Variants in PLEKHA8 observed in about 807,000 individuals in gnomAD.
PLEKHA8 encodes pleckstrin homology domain-containing family A member 8.
PLEKHA8 carries 36 observed loss-of-function variants against 68.2 expected under a neutral mutation model. The observed-to-expected ratio is 0.53, with a 90% CI of 0.40 to 0.70. The LOEUF is 0.70. Ranked by LOEUF, PLEKHA8 falls within the 30% of genes least tolerant of loss-of-function variation. PLEKHA8 has a pLI of 0.00. For missense variants in PLEKHA8, 505 were observed against 615.4 expected, an observed-to-expected ratio of 0.82 and a Z score of 1.90; for synonymous variants, 211 against 216.1, an observed-to-expected ratio of 0.98 and a Z score of 0.20.
chr7:30,072,101 C>T (rs1478257887), intron 12 of PLEKHA8: 1 of 152,142 alleles, frequency 6.6e-6, no homozygotes, highest in African/African-American at 2.4e-5. Flanking sequence ...TTTGATCATG[C>T]CCTAGTTTAC....
In PLEKHA8 at chr7:30,047,126, A is replaced by G. The variant is rs6980340; in HGVS notation, c.314-706A>G. 8.9e-3 allele frequency among the ~76,000 whole-genome samples: 1,352 copies of G among 152,122 alleles called. 21 individuals are homozygous for G. Among genetic ancestry groups the G allele is most frequent in the African/African-American group, 0.031 (1,302 of 41,474 alleles). ...CAGTTGTGCTTAACTCTTCACGTAG[A>G]TTCATAAATTGGCCTCTTCTTTTAA... On this transcript the variant is annotated intron_variant, in intron 3 of 13. Coordinates refer to ENST00000449726, the MANE Select transcript of PLEKHA8 (RefSeq NM_001197026.2).
At chr7:30,118,716 T>C (rs1796645058) in intron 13 of PLEKHA8, among the ~76,000 whole-genome samples, 1 of 152,182 alleles carries the variant, frequency 6.6e-6, no homozygotes, top group African/African-American at 2.4e-5. Context: ...CAGCTGGGAC[T>C]ACAGGCGCCC....
At chr7:30,059,593 T>C (rs558411803) in intron 9 of PLEKHA8, among the ~76,000 whole-genome samples, 8 of 152,184 alleles carry the variant, frequency 5.3e-5, no homozygotes, top group African/African-American at 1.9e-4. Context: ...TTTTTTAGTA[T>C]TCTGTTTTAT....
At chr7:30,102,314 G>A (rs1795882291) in intron 13 of PLEKHA8, among the ~76,000 whole-genome samples, 4 of 152,206 alleles carry the variant, frequency 2.6e-5, no homozygotes, top group Admixed American at 6.5e-5. Context: ...GAAATTGAAT[G>A]TCTTGTCCAT....
At position 30,074,096 on chromosome 7, in the gene PLEKHA8, G is replaced by A. The variant is rs1278453333; in HGVS notation, c.1326G>A (p.Arg442=). The stretch of plus-strand genomic sequence containing the variant: ...ATAATGCATATGGTAAAACATTGCG[G>A]CAACACCATGGCTGGGTAGTTCGAG... ...ALNNAYGKTL[R]QHHGWVVRGV... Residue 442 remains arginine (R), a synonymous_variant, in exon 13 of 14, where the codon CGG becomes CGA. Transcript: ENST00000449726. 5 of 1,612,882 alleles carry A rather than the reference G, an allele frequency of 3.1e-6. No individual in the cohort carries two copies. The African/African-American group carries it at 6.7e-5, about 22-fold the overall frequency.
chr7:30,121,416 A>G (rs1796695099), intron 13 of PLEKHA8, among the ~76,000 whole-genome samples: 1 of 152,084 alleles, frequency 6.6e-6, no homozygotes, highest in African/African-American at 2.4e-5. Flanking sequence ...ATCACTTGAG[A>G]TTAGGAGTTC....
intron 13 of PLEKHA8, among the ~76,000 whole-genome samples, chr7:30,118,582 CTT>C (rs745309743): frequency 1.4e-5 from 2 of 144,556 alleles, no homozygotes; most frequent in Admixed American, 6.9e-5. Context: ...GCCCATCTTT[CTT>C]TTTTTTTTTT....
chr7:30,108,574 G>T (rs1022482233), intron 13 of PLEKHA8, among the ~76,000 whole-genome samples: 2 of 152,114 alleles, frequency 1.3e-5, no homozygotes, highest in Admixed American at 1.3e-4. Flanking sequence ...CCCAAAAAAT[G>T]TATTTCTTCT....
chr7:30,055,634 A>C lies in PLEKHA8; in HGVS notation c.1039+292A>C, dbSNP rs185356674. ...AAAAGTATTTGAGGAATAGACCTTC[A>C]AATATATTGGCACTGTGAAAAAATG... is the stretch of plus-strand genomic sequence containing the variant. On this transcript the variant is annotated intron_variant, in intron 9 of 13. Transcript: ENST00000449726. Among the ~76,000 whole-genome samples, 968 of 152,280 alleles carry C rather than the reference A, an allele frequency of 6.4e-3. 17 individuals carry two copies. Among genetic ancestry groups the C allele is most frequent in the African/African-American group, 0.022 (928 of 41,546 alleles).
intron 10 of PLEKHA8, 98 bp downstream of exon 10, chr7:30,061,040 G>A: frequency 2.7e-6 from 3 of 1,130,956 alleles, no homozygotes; most frequent in Non-Finnish European, 3.9e-6. Flanking sequence ...AGTGAAAAAT[G>A]TGTCACTGTT....
chr7:30,060,846 A>G, intron 9 of PLEKHA8, 38 bp from the exon 10 acceptor site: 3 of 1,566,020 alleles, frequency 1.9e-6, no homozygotes, highest in South Asian at 2.3e-5. Flanking sequence ...CCACTTAAAA[A>G]TTGCTTTTTC....
intron 9 of PLEKHA8, among the ~76,000 whole-genome samples, chr7:30,059,039 C>G (rs909262522): frequency 6.6e-6 from 1 of 152,170 alleles, no homozygotes; most frequent in Non-Finnish European, 1.5e-5. Context: ...GAGAATCACA[C>G]GAGCCTGGGA....
intron 1 of PLEKHA8, among the ~76,000 whole-genome samples, chr7:30,043,157 C>T (rs1409452969): frequency 2.0e-5 from 3 of 152,236 alleles, no homozygotes; most frequent in Middle Eastern, 6.8e-3. Flanking sequence ...CCACCACTGT[C>T]GGCTAATTTT....
intron 1 of PLEKHA8, among the ~76,000 whole-genome samples, chr7:30,044,407 G>T (rs1414058082): frequency 6.6e-6 from 1 of 152,230 alleles, no homozygotes; most frequent in East Asian, 1.9e-4. Context: ...GAGAGGACTA[G>T]ATAAGATGCG....
intron 1 of PLEKHA8, among the ~76,000 whole-genome samples, chr7:30,040,847 G>A (rs1195963725): frequency 6.6e-6 from 1 of 152,120 alleles, no homozygotes; most frequent in African/African-American, 2.4e-5. Context: ...TCCCAGCAGG[G>A]AATTTGGGTG....
At position 30,078,898 on chromosome 7, in the gene PLEKHA8, G is replaced by A; in HGVS notation, c.*111G>A. The A allele has an allele frequency of 1.4e-6, 2 of 1,453,840 alleles. No homozygotes were observed. The highest frequency in any genetic ancestry group is 1.8e-6 in the Non-Finnish European group (2 of 1,104,874). 90.1% of individuals were successfully genotyped at this position (1,453,840 alleles called of 1,614,324 possible). ...CCCTCTCCAACCCCTTCACCTGGGG[G>A]GATGGACAGGAGGTGGCAAAACCCA... is the stretch of plus-strand genomic sequence containing the variant. On this transcript the variant is annotated 3_prime_UTR_variant, in exon 14 of 14. Coordinates refer to ENST00000449726, the MANE Select transcript of PLEKHA8 (RefSeq NM_001197026.2).
At chr7:30,040,140 A>C (rs929121692) in intron 1 of PLEKHA8, among the ~76,000 whole-genome samples, 3 of 152,234 alleles carry the variant, frequency 2.0e-5, no homozygotes, top group African/African-American at 7.2e-5. Context: ...GTGATAGTTT[A>C]GAGCTTTTGT....
At chr7:30,105,999 A>G (rs919318596) in intron 13 of PLEKHA8, among the ~76,000 whole-genome samples, 1 of 151,530 alleles carries the variant, frequency 6.6e-6, no homozygotes, top group Non-Finnish European at 1.5e-5. Context: ...ACTAAACATT[A>G]TGTGATATTT....
intron 13 of PLEKHA8, among the ~76,000 whole-genome samples, chr7:30,098,554 G>A (rs979771546): frequency 4.6e-5 from 7 of 152,228 alleles, no homozygotes; most frequent in Non-Finnish European, 8.8e-5. Flanking sequence ...CCCCAGCCTC[G>A]CTGCCGCCTT....
Sources: allele counts gnomAD v4.1 joint callset (sites outside exome capture counted in the v4.1 genomes callset), GRCh38; gene constraint gnomAD v4.1.1; transcripts MANE v1.5; gene names NCBI Gene and HGNC (gene_info 2026-07-23, HGNC 2026-07-21).